PCDHGB2: variants seen among roughly 807,000 people sequenced by gnomAD.
PCDHGB2 encodes the protein protocadherin gamma-B2.
A neutral mutation model predicts 59.3 loss-of-function variants in PCDHGB2; 55 were observed. That is an observed-to-expected ratio of 0.93 (90% confidence interval 0.75 to 1.16). The LOEUF (loss-of-function observed/expected upper bound fraction) is 1.16, where lower values mean the gene tolerates loss of function less well. Among genes scored for constraint, PCDHGB2 ranks in the 50% most tolerant of loss-of-function variants. The probability of loss-of-function intolerance (pLI) is 0.00; values close to 1 mark genes in which losing one functional copy is unlikely to be tolerated. For synonymous variants in PCDHGB2, 516 were observed against 512.0 expected (o/e 1.01, Z -0.11); for missense variants, 1,228 against 1,198.5 (o/e 1.02, Z -0.36).
Position 141,419,305 on chromosome 5 carries a change from G to A in PCDHGB2, c.2421+56749G>A, listed in dbSNP as rs778360128. ...TCAGTGCCTCTGACCCAGACTTCGGGCTCAACGGCCGTGTCTCCTACTCTC... is the reference window on the plus strand; with the variant it reads ...TCAGTGCCTCTGACCCAGACTTCGGACTCAACGGCCGTGTCTCCTACTCTC... On this transcript the variant is annotated intron_variant, in intron 1 of 3. Transcript: ENST00000522605. The A allele has an allele frequency of 3.1e-6, 5 of 1,613,906 alleles. No individual in the cohort carries two copies. The East Asian group carries it at 1.1e-4, about 36-fold the overall frequency.
rs763451417 is a variant in PCDHGB2, at chr5:141,408,628, T to G, written c.2421+46072T>G. On this transcript the variant is annotated intron_variant, in intron 1 of 3. Transcript: ENST00000522605. The stretch of plus-strand genomic sequence containing the variant: ...ATAAAAAGGAAATACATTTAGAAAT[T>G]TTCGAATCTGCATCCGCTGGTACAC... The G allele has an allele frequency of 3.7e-6, 6 of 1,613,920 alleles. No individual in the cohort carries two copies. In the Admixed American group the frequency reaches 1.0e-4, roughly 27 times the overall value.
intron 1 of PCDHGB2, chr5:141,384,204 A>T: frequency 4.3e-6 from 7 of 1,613,886 alleles, no homozygotes; most frequent in Non-Finnish European, 5.9e-6. Flanking sequence ...TGTCCAGGGA[A>T]ACTCACATAT....
At chr5:141,464,916 T>C (rs1298310554) in intron 1 of PCDHGB2, among the ~76,000 whole-genome samples, 1 of 152,024 alleles carries the variant, frequency 6.6e-6, no homozygotes, top group Non-Finnish European at 1.5e-5. Flanking sequence ...TTTTTTTATT[T>C]TTTTGTAGAG....
At position 141,490,646 on chromosome 5, in the gene PCDHGB2, C is replaced by G. The variant is rs202183643; in HGVS notation, c.2422-4161C>G. The G allele has an allele frequency of 8.7e-6, 14 of 1,614,068 alleles. No homozygotes were observed. In the African/African-American group the frequency reaches 1.7e-4, roughly 20 times the overall value. ...GCTTACATCCTAGAAAACCGGCCTC[C>G]GGGCTCCCTTCTTTGCACTGTGGCT... On this transcript the variant is annotated intron_variant, in intron 1 of 3. Coordinates refer to ENST00000522605, the MANE Select transcript of PCDHGB2 (RefSeq NM_018923.3). This position sits in a 1 kb window ranked among gnomAD's most constrained non-coding sequence, Gnocchi z 5.4.
chr5:141,451,745 G>T (rs562443882), intron 1 of PCDHGB2, among the ~76,000 whole-genome samples: 36 of 152,242 alleles, frequency 2.4e-4, no homozygotes, highest in Middle Eastern at 3.4e-3. Context: ...AGCTGGTCTG[G>T]TGGTGCATGC....
At chr5:141,406,177 A>G (rs929841923) in intron 1 of PCDHGB2, among the ~76,000 whole-genome samples, 2 of 151,308 alleles carry the variant, frequency 1.3e-5, no homozygotes. Flanking sequence ...GGCTTATGCA[A>G]TCCTCCCACC....
intron 1 of PCDHGB2, chr5:141,400,348 C>T (rs745917638): frequency 1.9e-6 from 3 of 1,614,050 alleles, no homozygotes; most frequent in South Asian, 1.1e-5. Context: ...CAACTACAGT[C>T]AGGGGACTTT....
intron 1 of PCDHGB2, chr5:141,479,325 A>C (rs2099492835): frequency 6.6e-6 from 1 of 152,648 alleles, no homozygotes; most frequent in South Asian, 2.1e-4. Context: ...AGCCAGACTC[A>C]GTGGTGTGCA....
intron 1 of PCDHGB2, chr5:141,413,350 G>C: frequency 6.2e-7 from 1 of 1,613,974 alleles, no homozygotes; most frequent in South Asian, 1.1e-5. Context: ...CTTGGGTCTG[G>C]CGCCCCGGGA....
chr5:141,396,951 A>G (rs1444720599), intron 1 of PCDHGB2, among the ~76,000 whole-genome samples: 1 of 152,210 alleles, frequency 6.6e-6, no homozygotes, highest in African/African-American at 2.4e-5. Flanking sequence ...TAGGAAAGAA[A>G]ATCCTTACTC....
chr5:141,364,590 C>G lies in PCDHGB2; in HGVS notation c.2421+2034C>G, dbSNP rs751302023. On this transcript the variant is annotated intron_variant, in intron 1 of 3. Transcript: ENST00000522605. ...CCGCGAAGCGGCAGCTTGGTCACCG[C>G]GGGCAGGATAGACCGGGAGGAGCTC... 2.7e-5 allele frequency: 44 copies of G among 1,614,196 alleles called. 1 individual carries two copies. In the South Asian group the frequency reaches 3.6e-4, roughly 13 times the overall value.
Position 141,365,610 on chromosome 5 carries a change from A to G in PCDHGB2, c.2421+3054A>G, listed in dbSNP as rs1764018673. 6.8e-6 allele frequency: 11 copies of G among 1,613,570 alleles called. No homozygotes were observed. Among genetic ancestry groups the G allele is most frequent in the African/African-American group, 1.3e-5 (1 of 74,926 alleles). ...AATATCACTTTAACCGTCATGGACC[A>G]TGGAACCCCGCCCCTCTCTACAGAA... On this transcript the variant is annotated intron_variant, in intron 1 of 3. Transcript: ENST00000522605.
At chr5:141,425,918 CG>C (rs2096903264) in intron 1 of PCDHGB2, among the ~76,000 whole-genome samples, 1 of 152,200 alleles carries the variant, frequency 6.6e-6, no homozygotes, top group Admixed American at 6.5e-5. Context: ...ACAGTCACTA[CG>C]AAAACTCATA....
At chr5:141,408,912 A>G (rs772751015) in intron 1 of PCDHGB2, 4 of 1,613,594 alleles carry the variant, frequency 2.5e-6, no homozygotes, top group Middle Eastern at 1.6e-4. Flanking sequence ...GATACCAATG[A>G]TAACCCCCCG....
chr5:141,375,759 C>A lies in PCDHGB2; in HGVS notation c.2421+13203C>A, dbSNP rs757946718. 3.7e-6 allele frequency: 6 copies of A among 1,614,126 alleles called. No individual in the cohort carries two copies. The African/African-American group carries it at 5.3e-5, about 14-fold the overall frequency. ...TTTGTGCTGGACCAGAATGACAATG[C>A]GCCCGAGATCCTGTACCCCGCCCTC... On this transcript the variant is annotated intron_variant, in intron 1 of 3. Coordinates refer to ENST00000522605, the MANE Select transcript of PCDHGB2 (RefSeq NM_018923.3).
chr5:141,478,414 C>T, intron 1 of PCDHGB2: 1 of 1,613,630 alleles, frequency 6.2e-7, no homozygotes, highest in Non-Finnish European at 8.5e-7. Context: ...CCACGGACTC[C>T]CGCCGCAGCG....
At chr5:141,433,020 C>G (rs761127608) in intron 1 of PCDHGB2, 5 of 1,614,152 alleles carry the variant, frequency 3.1e-6, no homozygotes, top group East Asian at 2.2e-5. Flanking sequence ...CAGACCTATT[C>G]CCACGAGGTT....
intron 2 of PCDHGB2, among the ~76,000 whole-genome samples, chr5:141,503,985 T>C (rs1277024188): frequency 6.6e-6 from 1 of 152,150 alleles, no homozygotes; most frequent in African/African-American, 2.4e-5. Flanking sequence ...ACCCTTCTTC[T>C]TACCTTACAG....
At position 141,366,076 on chromosome 5, in the gene PCDHGB2, A is replaced by G. The variant is rs774100476; in HGVS notation, c.2421+3520A>G. The G allele has an allele frequency of 7.4e-6, 12 of 1,614,128 alleles. No individual in the cohort carries two copies. In the East Asian group the frequency reaches 2.2e-4, roughly 30 times the overall value. The stretch of plus-strand genomic sequence containing the variant: ...GCGTGGAGCTGGCGCCTCGCTCCGC[A>G]GAACCTGGCTACCTGGTGACCAAGG... On this transcript the variant is annotated intron_variant, in intron 1 of 3. Coordinates refer to ENST00000522605, the MANE Select transcript of PCDHGB2 (RefSeq NM_018923.3).
Sources: gnomAD v4.1 joint callset for allele counts (sites outside exome capture counted in the v4.1 genomes callset) on GRCh38, gnomAD v4.1.1 for gene constraint, Gnocchi (gnomAD v3.1) non-coding constraint, MANE v1.5 for transcripts, NCBI Gene and HGNC (gene_info 2026-07-23, HGNC 2026-07-21) for gene names.